Variants in RFX4 observed in about 807,000 individuals in gnomAD.
The protein encoded by RFX4 is regulatory factor X4.
In RFX4, 10 loss-of-function variants were observed where a neutral mutation model predicts 95.0. The observed-to-expected ratio is 0.11, with a 90% CI of 0.06 to 0.18. The LOEUF (loss-of-function observed/expected upper bound fraction) is 0.18. Ranked by LOEUF, RFX4 falls within the 10% of genes least tolerant of loss-of-function variation. The pLI, the probability that RFX4 is intolerant of heterozygous loss-of-function variation, is 1.00. For missense variants in RFX4, 640 were observed against 922.0 expected (o/e 0.69, Z 3.96); for synonymous variants, 321 against 340.7 (o/e 0.94, Z 0.64).
intron 8 of RFX4, among the ~76,000 whole-genome samples, chr12:106,702,355 T>C (rs1008264882): frequency 2.6e-5 from 4 of 152,198 alleles, no homozygotes; most frequent in African/African-American, 7.2e-5. Context: ...AGGCAGTCTA[T>C]TCGGGAGTTC....
At chr12:106,624,517 T>G (rs112052366) in intron 2 of RFX4, among the ~76,000 whole-genome samples, 1 of 151,926 alleles carries the variant, frequency 6.6e-6, no homozygotes, top group South Asian at 2.1e-4. Context: ...TTAGTAGAGA[T>G]GGGGTTTCAC....
chr12:106,610,727 G>A (rs2039943295), intron 2 of RFX4, among the ~76,000 whole-genome samples: 1 of 152,174 alleles, frequency 6.6e-6, no homozygotes, highest in Admixed American at 6.5e-5. Flanking sequence ...ATGGGCAATT[G>A]AGTTGTTTCT....
chr12:106,596,926 C>G (rs2137175152), intron 1 of RFX4, among the ~76,000 whole-genome samples: 1 of 152,310 alleles, frequency 6.6e-6, no homozygotes, highest in African/African-American at 2.4e-5. Flanking sequence ...CATCTCTTTC[C>G]TTACTTTCTA....
intron 2 of RFX4, among the ~76,000 whole-genome samples, chr12:106,625,332 A>T (rs1432147175): frequency 6.6e-6 from 1 of 152,214 alleles, no homozygotes; most frequent in Non-Finnish European, 1.5e-5. Flanking sequence ...ATATTTTTTG[A>T]TGGAATGCAG....
intron 1 of RFX4, among the ~76,000 whole-genome samples, chr12:106,598,910 T>C (rs750682489): frequency 2.6e-5 from 4 of 152,188 alleles, no homozygotes; most frequent in Non-Finnish European, 5.9e-5. Flanking sequence ...CATTAAGTAG[T>C]AGTAGGTACA....
intron 2 of RFX4, among the ~76,000 whole-genome samples, chr12:106,612,156 G>C (rs779108885): frequency 3.0e-4 from 45 of 152,080 alleles, no homozygotes; most frequent in Non-Finnish European, 5.7e-4. Flanking sequence ...TATGCCACTC[G>C]GGTTTTGATA....
At chr12:106,628,354 A>C (rs1473573005) in intron 2 of RFX4, among the ~76,000 whole-genome samples, 2 of 152,202 alleles carry the variant, frequency 1.3e-5, no homozygotes, top group African/African-American at 4.8e-5. Context: ...ACCAGCACTT[A>C]ACATAGTAGG....
chr12:106,597,381 A>C (rs927488386), intron 1 of RFX4, among the ~76,000 whole-genome samples: 3 of 152,160 alleles, frequency 2.0e-5, no homozygotes, highest in Admixed American at 2.0e-4. Flanking sequence ...AAGTTCTTTT[A>C]ATTGTATTGG....
chr12:106,585,852 A>G (rs1047465653), intron 1 of RFX4: 8 of 152,176 alleles, frequency 5.3e-5, no homozygotes, highest in Non-Finnish European at 1.2e-4. Flanking sequence ...TAAAAGGAAA[A>G]TCCCCGCGAA....
At chr12:106,730,704 G>A (rs1451042315) in intron 13 of RFX4, among the ~76,000 whole-genome samples, 5 of 152,198 alleles carry the variant, frequency 3.3e-5, no homozygotes, top group East Asian at 1.9e-4. Context: ...AGAGAGTCCC[G>A]TAAAGTCTCT....
intron 17 of RFX4, among the ~76,000 whole-genome samples, chr12:106,753,634 A>C (rs936869244): frequency 2.6e-5 from 4 of 152,138 alleles, no homozygotes; most frequent in African/African-American, 9.7e-5. Flanking sequence ...CATCCCTTAG[A>C]TAACCCCTGC....
rs192528790 is a variant in RFX4 at position 106,607,982 on chromosome 12, C to T, written c.44-815C>T. On this transcript the variant is annotated intron_variant, in intron 1 of 17. Coordinates refer to ENST00000392842, the MANE Select transcript of RFX4 (RefSeq NM_213594.3). ...CCGAGGCAGGCGGATGGCCTGAGGT[C>T]AGGAGTTCAAGACCAGCCTGGCCAA... 2.2e-3 allele frequency among the ~76,000 whole-genome samples: 333 copies of T among 152,252 alleles called. 1 individual carries two copies. The highest frequency in any genetic ancestry group is 7.2e-3 in the African/African-American group (300 of 41,544).
intron 3 of RFX4, among the ~76,000 whole-genome samples, chr12:106,649,149 A>G (rs1271211011): frequency 2.0e-5 from 3 of 152,164 alleles, no homozygotes; most frequent in Non-Finnish European, 4.4e-5. Flanking sequence ...ATGTCAGACT[A>G]ATGATGTCCT....
At chr12:106,697,990 G>T (rs79498872) in intron 8 of RFX4, among the ~76,000 whole-genome samples, 2 of 148,920 alleles carry the variant, frequency 1.3e-5, no homozygotes, top group African/African-American at 2.5e-5. Flanking sequence ...TTTTTTTTTT[G>T]AGACGGAGTT....
At chr12:106,651,374 C>G (rs949049859) in intron 3 of RFX4, among the ~76,000 whole-genome samples, 4 of 152,138 alleles carry the variant, frequency 2.6e-5, no homozygotes, top group African/African-American at 9.7e-5. Flanking sequence ...TACCTCATGC[C>G]ATACGGTTAT....
At chr12:106,747,688 CT>C (rs765914576) in intron 16 of RFX4, 89 bp downstream of exon 16, 694 of 1,436,610 alleles carry the variant, frequency 4.8e-4, no homozygotes, top group Non-Finnish European at 6.1e-4. Flanking sequence ...AATCCCAGCA[CT>C]TTGGGAGGCC....
chr12:106,706,553 A>G (rs2042090917), intron 8 of RFX4, among the ~76,000 whole-genome samples: 1 of 152,146 alleles, frequency 6.6e-6, no homozygotes, highest in South Asian at 2.1e-4. Flanking sequence ...TAGCGTATGC[A>G]AAACTGGATA....
intron 16 of RFX4, 89 bp from the exon 17 acceptor site, chr12:106,750,565 GA>G (rs931692783): frequency 7.3e-5 from 92 of 1,261,136 alleles, no homozygotes; most frequent in East Asian, 5.0e-4. Context: ...GAAGAAAAAG[GA>G]AAAAAAATAG....
chr12:106,619,312 T>A (rs1254717521), intron 2 of RFX4, among the ~76,000 whole-genome samples: 3 of 152,224 alleles, frequency 2.0e-5, no homozygotes, highest in Non-Finnish European at 4.4e-5. Context: ...TTATTTCACA[T>A]ATATTTTTGA....
Sources: gnomAD v4.1 joint callset for allele counts (sites outside exome capture counted in the v4.1 genomes callset) on GRCh38, gnomAD v4.1.1 for gene constraint, MANE v1.5 for transcripts, NCBI Gene and HGNC (gene_info 2026-07-23, HGNC 2026-07-21) for gene names.